Variants in SMYD3 observed in about 807,000 individuals in gnomAD.
SMYD3 encodes the protein histone-lysine N-methyltransferase SMYD3.
A neutral mutation model predicts 57.7 loss-of-function variants in SMYD3; 36 were observed. The ratio of observed to expected loss-of-function variants is 0.62; its 90% confidence interval spans 0.48 to 0.82. The LOEUF is 0.82. SMYD3 is among the 40% of genes least tolerant of loss of function. The pLI, the probability that SMYD3 is intolerant of heterozygous loss-of-function variation, is 0.00. For synonymous variants in SMYD3, 211 were observed against 195.0 expected (o/e 1.08, Z -0.68); for missense variants, 515 against 538.8 (o/e 0.96, Z 0.44).
intron 10 of SMYD3, among the ~76,000 whole-genome samples, chr1:245,808,319 A>T (rs908275371): frequency 5.9e-5 from 9 of 152,148 alleles, no homozygotes; most frequent in African/African-American, 1.4e-4. Flanking sequence ...ACACATACAC[A>T]AACCTGGGCA....
At chr1:246,324,322 G>A (rs762046990) in intron 5 of SMYD3, among the ~76,000 whole-genome samples, 9 of 150,738 alleles carry the variant, frequency 6.0e-5, no homozygotes, top group Non-Finnish European at 1.3e-4. Flanking sequence ...GGCTGAGGCA[G>A]CAGAATCGCT....
intron 1 of SMYD3, among the ~76,000 whole-genome samples, chr1:246,428,701 T>C (rs548384817): frequency 6.6e-6 from 1 of 152,304 alleles, no homozygotes; most frequent in South Asian, 2.1e-4. Context: ...ACCCGTGCAA[T>C]CTAGACCACA....
At chr1:246,077,627 C>T (rs112403796) in intron 5 of SMYD3, among the ~76,000 whole-genome samples, 68 of 151,890 alleles carry the variant, frequency 4.5e-4, no homozygotes, top group Admixed American at 9.8e-4. Context: ...AAAATAACAC[C>T]ACAGGACTAA....
At chr1:245,896,429 A>G (rs2053805364) in intron 8 of SMYD3, among the ~76,000 whole-genome samples, 2 of 145,094 alleles carry the variant, frequency 1.4e-5, no homozygotes, top group South Asian at 2.2e-4. Flanking sequence ...TCCCTGGACC[A>G]AAAATAGAAC....
At chr1:245,914,488 G>T (rs1386931668) in intron 8 of SMYD3, among the ~76,000 whole-genome samples, 1 of 152,210 alleles carries the variant, frequency 6.6e-6, no homozygotes. Flanking sequence ...GGGCCTAGAG[G>T]ACACTATGTT....
At chr1:246,461,280 A>G (rs190167897) in intron 1 of SMYD3, among the ~76,000 whole-genome samples, 9 of 152,106 alleles carry the variant, frequency 5.9e-5, no homozygotes, top group Admixed American at 2.6e-4. Context: ...AATTAGTGGG[A>G]AAAAAAGTGG....
At chr1:246,281,789 C>T (rs2064448108) in intron 5 of SMYD3, among the ~76,000 whole-genome samples, 1 of 152,036 alleles carries the variant, frequency 6.6e-6, no homozygotes, top group African/African-American at 2.4e-5. Context: ...GCACAGACAC[C>T]CATACGTGAC....
intron 8 of SMYD3, among the ~76,000 whole-genome samples, chr1:245,892,440 G>T (rs908269723): frequency 1.3e-5 from 2 of 152,184 alleles, no homozygotes; most frequent in Non-Finnish European, 2.9e-5. Context: ...CACAGGGAAG[G>T]TAACTTGCTG....
At chr1:246,299,751 G>T (rs1447182104) in intron 5 of SMYD3, among the ~76,000 whole-genome samples, 2 of 151,994 alleles carry the variant, frequency 1.3e-5, no homozygotes, top group African/African-American at 2.4e-5. Flanking sequence ...ACCAAACACC[G>T]CATGTTCTCA....
At chr1:246,489,888 C>CA (rs2068243309) in intron 1 of SMYD3, among the ~76,000 whole-genome samples, 1 of 151,636 alleles carries the variant, frequency 6.6e-6, no homozygotes, top group Non-Finnish European at 1.5e-5. Context: ...AGTGGAGTGA[C>CA]AAAATCACAG....
intron 5 of SMYD3, among the ~76,000 whole-genome samples, chr1:246,248,636 C>CTT (rs1178698803): frequency 0.011 from 546 of 51,980 alleles, 2 homozygotes; most frequent in African/African-American, 0.014. Context: ...TCTGACTTTC[C>CTT]TTTTTTTTTT....
intron 5 of SMYD3, among the ~76,000 whole-genome samples, chr1:246,131,814 A>G (rs1362424995): frequency 6.6e-6 from 1 of 152,218 alleles, no homozygotes; most frequent in Non-Finnish European, 1.5e-5. Flanking sequence ...ATGACCAATT[A>G]AAGACAGAAC....
At chr1:246,365,330 A>T (rs1446780090) in intron 1 of SMYD3, among the ~76,000 whole-genome samples, 1 of 151,578 alleles carries the variant, frequency 6.6e-6, no homozygotes, top group East Asian at 1.9e-4. Context: ...CTACAAAAAA[A>T]AAAAAAATTA....
intron 5 of SMYD3, among the ~76,000 whole-genome samples, chr1:245,984,837 G>GTATT (rs2058670980): frequency 6.6e-6 from 1 of 152,076 alleles, no homozygotes; most frequent in Non-Finnish European, 1.5e-5. Flanking sequence ...GGAATGTAGT[G>GTATT]TATTTCTCTT....
chr1:246,380,420 C>A (rs2066367902), intron 1 of SMYD3, among the ~76,000 whole-genome samples: 1 of 152,100 alleles, frequency 6.6e-6, no homozygotes, highest in Non-Finnish European at 1.5e-5. Flanking sequence ...TCTATTTCCC[C>A]CCAGAGAAAA....
intron 5 of SMYD3, among the ~76,000 whole-genome samples, chr1:246,255,289 T>G (rs1572286652): frequency 8.6e-6 from 1 of 115,870 alleles, no homozygotes; most frequent in Admixed American, 1.1e-4. Context: ...CTTATTATTT[T>G]GATGGATCTT....
At chr1:245,881,131 T>C (rs1335568161) in intron 8 of SMYD3, among the ~76,000 whole-genome samples, 2 of 152,218 alleles carry the variant, frequency 1.3e-5, no homozygotes, top group East Asian at 1.9e-4. Flanking sequence ...ATTCATGCTT[T>C]TGACCAGATT....
intron 5 of SMYD3, among the ~76,000 whole-genome samples, chr1:246,228,004 C>T (rs1313727548): frequency 3.8e-5 from 3 of 79,276 alleles, no homozygotes; most frequent in African/African-American, 1.7e-4. Flanking sequence ...CTCCATCACC[C>T]AAACTCCAAA....
At chr1:246,273,135 C>CTTTTTTTTTTTTTTTTTTTTTTTTTTTT (rs71299006) in intron 5 of SMYD3, among the ~76,000 whole-genome samples, 2 of 107,608 alleles carry the variant, frequency 1.9e-5, no homozygotes, top group African/African-American at 3.7e-5. Flanking sequence ...TCCCTGTTTT[C>CTTTTTTTTTTTTTTTTTTTTTTTTTTTT]TTTTTTTTTT....
Sources: allele counts gnomAD v4.1 joint callset (sites outside exome capture counted in the v4.1 genomes callset), GRCh38; gene constraint gnomAD v4.1.1; transcripts MANE v1.5; gene names NCBI Gene and HGNC (gene_info 2026-07-23, HGNC 2026-07-21).